Variants in ARHGAP15 observed in about 807,000 individuals in gnomAD.
ARHGAP15 encodes Rho GTPase activating protein 15, also known as rho GTPase-activating protein 15.
ARHGAP15 carries 51 observed loss-of-function variants against 63.7 expected under a neutral mutation model. The ratio of observed to expected loss-of-function variants is 0.80; its 90% confidence interval spans 0.64 to 1.01. ARHGAP15 has a LOEUF of 1.01. Among genes scored for constraint, ARHGAP15 ranks in the 50% least tolerant of loss-of-function variants. The pLI, the probability that ARHGAP15 is intolerant of heterozygous loss-of-function variation, is 0.00. For synonymous variants in ARHGAP15, 191 were observed against 193.8 expected (o/e 0.99, Z 0.12); for missense variants, 560 against 564.6 (o/e 0.99, Z 0.08).
At chr2:143,378,994 A>T (rs190109574) in intron 6 of ARHGAP15, among the ~76,000 whole-genome samples, 45 of 151,862 alleles carry the variant, frequency 3.0e-4, no homozygotes, top group African/African-American at 9.4e-4. Context: ...TTTTTTATTT[A>T]TTTATTTTTT....
At chr2:143,590,426 G>A (rs983999279) in intron 11 of ARHGAP15, among the ~76,000 whole-genome samples, 1 of 152,160 alleles carries the variant, frequency 6.6e-6, no homozygotes, top group African/African-American at 2.4e-5. Flanking sequence ...AAAGACTGAC[G>A]CCATGATAGG....
At chr2:143,702,171 G>A (rs1415221214) in intron 12 of ARHGAP15, among the ~76,000 whole-genome samples, 3 of 152,190 alleles carry the variant, frequency 2.0e-5, no homozygotes, top group Non-Finnish European at 4.4e-5. Flanking sequence ...CCCTGTGCTA[G>A]AAGTTAAAGT....
intron 6 of ARHGAP15, among the ~76,000 whole-genome samples, chr2:143,313,871 A>G (rs760771449): frequency 3.3e-5 from 5 of 152,048 alleles, no homozygotes; most frequent in African/African-American, 1.2e-4. Context: ...ATGCTGTTGT[A>G]CTTTGATTTT....
At chr2:143,626,814 G>A (rs949218880) in intron 12 of ARHGAP15, among the ~76,000 whole-genome samples, 4 of 152,044 alleles carry the variant, frequency 2.6e-5, no homozygotes, top group Non-Finnish European at 4.4e-5. Context: ...GTCCCCGCTC[G>A]ACCCAGGAAT....
At chr2:143,719,535 T>A (rs952908310) in intron 13 of ARHGAP15, among the ~76,000 whole-genome samples, 1 of 152,206 alleles carries the variant, frequency 6.6e-6, no homozygotes, top group Non-Finnish European at 1.5e-5. Context: ...CTTGGCTTCC[T>A]GCTCACCCAT....
chr2:143,707,260 A>AT (rs1684371154), intron 13 of ARHGAP15, among the ~76,000 whole-genome samples: 2 of 152,212 alleles, frequency 1.3e-5, no homozygotes, highest in East Asian at 1.9e-4. Context: ...AAATCTTGAG[A>AT]TTTTTCAAAG....
intron 6 of ARHGAP15, among the ~76,000 whole-genome samples, chr2:143,253,645 TAAC>T (rs981178379): frequency 6.6e-6 from 1 of 151,620 alleles, no homozygotes; most frequent in African/African-American, 2.4e-5. Flanking sequence ...TGGTACTTCT[TAAC>T]AATAAATAAT....
At chr2:143,355,636 T>C (rs535065958) in intron 6 of ARHGAP15, among the ~76,000 whole-genome samples, 133 of 152,314 alleles carry the variant, frequency 8.7e-4, no homozygotes, top group Middle Eastern at 3.4e-3. Flanking sequence ...ATTTTAAAGC[T>C]GTTATTTTAT....
chr2:143,538,622 C>T (rs1188936797), intron 10 of ARHGAP15, among the ~76,000 whole-genome samples: 1 of 152,152 alleles, frequency 6.6e-6, no homozygotes, highest in African/African-American at 2.4e-5. Context: ...GCCTTTTCTG[C>T]ATCTATTGAG....
At chr2:143,154,873 A>G (rs886352138) in intron 1 of ARHGAP15, among the ~76,000 whole-genome samples, 9 of 151,900 alleles carry the variant, frequency 5.9e-5, no homozygotes, top group African/African-American at 1.9e-4. Flanking sequence ...TTTTCTTCAT[A>G]TTCTTTATAA....
At chr2:143,388,164 C>T (rs1017658043) in intron 6 of ARHGAP15, among the ~76,000 whole-genome samples, 4 of 152,126 alleles carry the variant, frequency 2.6e-5, no homozygotes, top group African/African-American at 4.8e-5. Context: ...CAAAATTATT[C>T]ACGTTATTTG....
intron 8 of ARHGAP15, among the ~76,000 whole-genome samples, chr2:143,474,842 G>C (rs1023272654): frequency 2.0e-5 from 3 of 152,090 alleles, no homozygotes; most frequent in Non-Finnish European, 2.9e-5. Flanking sequence ...ACAGAAAAAA[G>C]CTTGGCAATT....
intron 11 of ARHGAP15, among the ~76,000 whole-genome samples, chr2:143,560,041 T>C (rs1695959476): frequency 6.6e-6 from 1 of 152,240 alleles, no homozygotes; most frequent in Non-Finnish European, 1.5e-5. Context: ...TCAAGACAGA[T>C]GAATTGCAAT....
At chr2:143,354,565 A>G (rs1489601043) in intron 6 of ARHGAP15, among the ~76,000 whole-genome samples, 1 of 152,136 alleles carries the variant, frequency 6.6e-6, no homozygotes, top group African/African-American at 2.4e-5. Context: ...AAAATATTAA[A>G]TGATAAACAC....
intron 11 of ARHGAP15, among the ~76,000 whole-genome samples, chr2:143,559,014 C>T (rs1383760921): frequency 2.0e-5 from 3 of 152,244 alleles, no homozygotes; most frequent in South Asian, 2.1e-4. Flanking sequence ...ACTGAATCAG[C>T]GTACCCCCTC....
At chr2:143,612,521 G>A (rs577113154) in intron 11 of ARHGAP15, among the ~76,000 whole-genome samples, 1 of 152,268 alleles carries the variant, frequency 6.6e-6, no homozygotes, top group East Asian at 1.9e-4. Context: ...GCCATTGTGT[G>A]GGAGACGTTT....
chr2:143,367,571 A>G (rs565886262), intron 6 of ARHGAP15, among the ~76,000 whole-genome samples: 15 of 152,094 alleles, frequency 9.9e-5, no homozygotes, highest in Non-Finnish European at 1.8e-4. Context: ...GCCTTTGGGC[A>G]TACATTAATT....
intron 8 of ARHGAP15, among the ~76,000 whole-genome samples, chr2:143,487,112 TA>T (rs1452479187): frequency 6.6e-6 from 1 of 152,186 alleles, no homozygotes; most frequent in Non-Finnish European, 1.5e-5. Context: ...AAGATTACGT[TA>T]AATATAAGGA....
intron 11 of ARHGAP15, among the ~76,000 whole-genome samples, chr2:143,573,006 T>C (rs1696524542): frequency 6.6e-6 from 1 of 152,204 alleles, no homozygotes; most frequent in African/African-American, 2.4e-5. Context: ...ATTTGTTTCT[T>C]TATTCCATCT....
Sources: allele counts gnomAD v4.1 joint callset (sites outside exome capture counted in the v4.1 genomes callset), GRCh38; gene constraint gnomAD v4.1.1; transcripts MANE v1.5; gene names NCBI Gene and HGNC (gene_info 2026-07-23, HGNC 2026-07-21).